EXOC6B: variants seen among roughly 807,000 people sequenced by gnomAD.
The protein encoded by EXOC6B is exocyst complex component 6B.
Under a neutral mutation model 113.5 loss-of-function variants are expected in EXOC6B, and 54 were observed. That is an observed-to-expected ratio of 0.48 (90% CI 0.38 to 0.60). The LOEUF (loss-of-function observed/expected upper bound fraction) is 0.60. Ranked by LOEUF, EXOC6B falls within the 20% of genes least tolerant of loss-of-function variation. EXOC6B has a pLI of 0.00. For missense variants in EXOC6B, 797 were observed against 977.5 expected, an observed-to-expected ratio of 0.82 and a Z score of 2.46; for synonymous variants, 357 against 339.0, an observed-to-expected ratio of 1.05 and a Z score of -0.58.
chr2:72,499,987 A>G lies in EXOC6B; in HGVS notation c.1168-15T>C. On this transcript the variant is annotated splice_polypyrimidine_tract_variant and intron_variant, in intron 11 of 21. Transcript: ENST00000272427. ...GAACAGTAAGACTAAAGTAAATAAA[A>G]GACAAAGGAGGAAAAACATGTTATT... 1 of 1,490,254 alleles carries G rather than the reference A, an allele frequency of 6.7e-7. No individual in the cohort carries two copies. Among genetic ancestry groups the G allele is most frequent in the Non-Finnish European group, 9.1e-7 (1 of 1,093,294 alleles). The allele number at this position is 1,490,254 out of a possible 1,614,324, so 92.3% of individuals were successfully genotyped here.
intron 20 of EXOC6B, among the ~76,000 whole-genome samples, chr2:72,216,822 G>A (rs1313452949): frequency 6.6e-6 from 1 of 152,066 alleles, no homozygotes; most frequent in East Asian, 1.9e-4. Context: ...AACACCACAT[G>A]TTCTCATTCA....
At chr2:72,412,984 A>G (rs1694274594) in intron 18 of EXOC6B, among the ~76,000 whole-genome samples, 1 of 151,212 alleles carries the variant, frequency 6.6e-6, no homozygotes. Context: ...CTTGAGACAG[A>G]GTCTCGCTCT....
intron 6 of EXOC6B, among the ~76,000 whole-genome samples, chr2:72,683,700 G>C (rs1328719457): frequency 6.6e-6 from 1 of 152,078 alleles, no homozygotes; most frequent in African/African-American, 2.4e-5. Context: ...AAACAATAAA[G>C]ATGTTTTCAA....
chr2:72,227,500 A>G (rs1211538594), intron 20 of EXOC6B, among the ~76,000 whole-genome samples: 3 of 152,232 alleles, frequency 2.0e-5, no homozygotes, highest in African/African-American at 2.4e-5. Context: ...CTGATATACC[A>G]TAATCACAGA....
At chr2:72,228,595 T>G (rs1681408067) in intron 20 of EXOC6B, among the ~76,000 whole-genome samples, 1 of 152,120 alleles carries the variant, frequency 6.6e-6, no homozygotes, top group Non-Finnish European at 1.5e-5. Context: ...GGACATGAAC[T>G]CATCATTTTT....
intron 5 of EXOC6B, among the ~76,000 whole-genome samples, chr2:72,718,577 GC>G (rs1190287065): frequency 6.6e-6 from 1 of 152,154 alleles, no homozygotes; most frequent in Admixed American, 6.5e-5. Context: ...AATAAAAGGG[GC>G]CAGGCATGGT....
chr2:72,751,760 T>C (rs1456091619), intron 1 of EXOC6B, among the ~76,000 whole-genome samples: 1 of 151,900 alleles, frequency 6.6e-6, no homozygotes, highest in Non-Finnish European at 1.5e-5. Context: ...GAATGGAGAA[T>C]ACAATGGGTT....
chr2:72,209,620 A>C (rs565296998), intron 20 of EXOC6B, among the ~76,000 whole-genome samples: 1 of 152,332 alleles, frequency 6.6e-6, no homozygotes, highest in African/African-American at 2.4e-5. Flanking sequence ...ATCTCATTCT[A>C]TTAGAAACTA....
chr2:72,555,595 T>C (rs1003910543), intron 8 of EXOC6B, among the ~76,000 whole-genome samples: 4 of 152,176 alleles, frequency 2.6e-5, no homozygotes, highest in Non-Finnish European at 5.9e-5. Flanking sequence ...CCACTTTTTA[T>C]GGGGTTGTCT....
In EXOC6B at chr2:72,262,971, A is replaced by G. The variant is rs937958000; in HGVS notation, c.2196+71976T>C. Among the ~76,000 whole-genome samples the G allele has an allele frequency of 2.0e-5, 3 of 152,230 alleles. No homozygotes were observed. The South Asian group carries it at 6.2e-4, about 31-fold the overall frequency. On this transcript the variant is annotated intron_variant, in intron 20 of 21. Transcript: ENST00000272427. ...TAGAGAAAATGGATAAACAGAATAT[A>G]GCCATACCTAACACTGAAGATTTTC...
At chr2:72,573,712 A>G (rs563571643) in intron 7 of EXOC6B, among the ~76,000 whole-genome samples, 266 of 152,356 alleles carry the variant, frequency 1.7e-3, no homozygotes, top group African/African-American at 6.1e-3. Flanking sequence ...TACTTCATTT[A>G]CATAATAAAC....
chr2:72,496,346 T>C, intron 14 of EXOC6B, 108 bp downstream of exon 14: 2 of 666,246 alleles, frequency 3.0e-6, no homozygotes, highest in Non-Finnish European at 5.3e-6. Context: ...TGTTTTAGAG[T>C]TCTAACCCAT....
intron 8 of EXOC6B, among the ~76,000 whole-genome samples, chr2:72,520,048 C>T (rs536522557): frequency 6.6e-6 from 1 of 152,254 alleles, no homozygotes. Flanking sequence ...TTTTCCCTAA[C>T]ACATAACCCT....
chr2:72,528,101 T>C (rs557173276), intron 8 of EXOC6B, among the ~76,000 whole-genome samples: 48 of 152,196 alleles, frequency 3.2e-4, no homozygotes, highest in African/African-American at 1.0e-3. Flanking sequence ...TTAGTACTTT[T>C]AGAGGGAAAT....
intron 6 of EXOC6B, among the ~76,000 whole-genome samples, chr2:72,610,284 C>T (rs962799081): frequency 5.3e-5 from 8 of 152,118 alleles, no homozygotes; most frequent in African/African-American, 1.2e-4. Context: ...AATTACTTTG[C>T]GCTATCCATT....
intron 1 of EXOC6B, among the ~76,000 whole-genome samples, chr2:72,822,394 G>A (rs1054956043): frequency 1.3e-5 from 2 of 152,024 alleles, no homozygotes; most frequent in African/African-American, 4.8e-5. Flanking sequence ...GATATGCTTG[G>A]GCCTTTCAGA....
chr2:72,434,897 C>CT (rs1695760238), intron 18 of EXOC6B, among the ~76,000 whole-genome samples: 1 of 152,068 alleles, frequency 6.6e-6, no homozygotes, highest in Non-Finnish European at 1.5e-5. Context: ...TTTCATGTCT[C>CT]TATCTCCTTC....
intron 1 of EXOC6B, among the ~76,000 whole-genome samples, chr2:72,780,712 T>C (rs1262215173): frequency 6.6e-6 from 1 of 152,170 alleles, no homozygotes; most frequent in Admixed American, 6.5e-5. Flanking sequence ...CCAAATTTCA[T>C]TGAGTAGATG....
chr2:72,238,243 T>C (rs1204534796), intron 20 of EXOC6B, among the ~76,000 whole-genome samples: 1 of 152,256 alleles, frequency 6.6e-6, no homozygotes, highest in Non-Finnish European at 1.5e-5. Context: ...ACATCATTAC[T>C]TCATTCCTTT....
Sources: allele counts gnomAD v4.1 joint callset (sites outside exome capture counted in the v4.1 genomes callset), GRCh38; gene constraint gnomAD v4.1.1; transcripts MANE v1.5; gene names NCBI Gene and HGNC (gene_info 2026-07-23, HGNC 2026-07-21).